NALCN: variants seen among roughly 807,000 people sequenced by gnomAD.
NALCN encodes sodium leak channel, non-selective.
A neutral mutation model predicts 225.3 loss-of-function variants in NALCN; 111 were observed. The ratio of observed to expected loss-of-function variants is 0.49; its 90% CI spans 0.42 to 0.58. The LOEUF is 0.58. NALCN is among the 20% of genes least tolerant of loss of function. The probability of loss-of-function intolerance (pLI) is 0.00; values close to 1 mark genes in which losing one functional copy is unlikely to be tolerated. For synonymous variants in NALCN, 764 were observed against 769.0 expected, an observed-to-expected ratio of 0.99 and a Z score of 0.11; for missense variants, 1,378 against 2,202.4, an observed-to-expected ratio of 0.63 and a Z score of 7.49.
At chr13:101,229,800 T>G (rs1023467431) in intron 12 of NALCN, among the ~76,000 whole-genome samples, 2 of 152,230 alleles carry the variant, frequency 1.3e-5, no homozygotes, top group African/African-American at 2.4e-5. Context: ...TAACATATTA[T>G]ATGATTATAC....
intron 7 of NALCN, among the ~76,000 whole-genome samples, chr13:101,300,060 G>A (rs907536793): frequency 2.6e-5 from 4 of 151,512 alleles, no homozygotes; most frequent in Non-Finnish European, 4.4e-5. Context: ...GTACTCTTAA[G>A]GTGGACATCT....
chr13:101,063,051 C>G (rs984073831), intron 40 of NALCN, among the ~76,000 whole-genome samples: 1 of 152,224 alleles, frequency 6.6e-6, no homozygotes, highest in African/African-American at 2.4e-5. Flanking sequence ...TCCCAGGATG[C>G]CTGGACTGAG....
At chr13:101,239,020 A>G (rs1171313204) in intron 11 of NALCN, among the ~76,000 whole-genome samples, 1 of 151,944 alleles carries the variant, frequency 6.6e-6, no homozygotes, top group African/African-American at 2.4e-5. Flanking sequence ...CCCTCCTTAA[A>G]AAACATAACA....
intron 7 of NALCN, among the ~76,000 whole-genome samples, chr13:101,301,001 T>C (rs1027419837): frequency 2.6e-5 from 4 of 152,272 alleles, no homozygotes; most frequent in Non-Finnish European, 5.9e-5. Context: ...TACACATGTT[T>C]ACATATATCT....
chr13:101,183,414 C>T (rs1049328663), intron 14 of NALCN, among the ~76,000 whole-genome samples: 1 of 152,128 alleles, frequency 6.6e-6, no homozygotes, highest in African/African-American at 2.4e-5. Context: ...ATTTGCTTTG[C>T]ATTATTTATT....
At chr13:101,160,776 T>A (rs2038143251) in intron 15 of NALCN, among the ~76,000 whole-genome samples, 1 of 152,194 alleles carries the variant, frequency 6.6e-6, no homozygotes, top group African/African-American at 2.4e-5. Flanking sequence ...GACAGGGACT[T>A]TCTATAAGAC....
intron 11 of NALCN, among the ~76,000 whole-genome samples, chr13:101,245,011 C>A (rs549616977): frequency 7.9e-6 from 1 of 126,008 alleles, no homozygotes; most frequent in African/African-American, 2.6e-5. Context: ...GGGCTCCCAC[C>A]AAAGTCACCT....
At chr13:101,358,674 A>G (rs2046134530) in intron 6 of NALCN, among the ~76,000 whole-genome samples, 1 of 152,250 alleles carries the variant, frequency 6.6e-6, no homozygotes, top group Non-Finnish European at 1.5e-5. Context: ...ATAAAATTTG[A>G]CACAGCAATC....
intron 12 of NALCN, among the ~76,000 whole-genome samples, chr13:101,234,642 A>G (rs1045396783): frequency 6.6e-5 from 10 of 152,238 alleles, no homozygotes; most frequent in African/African-American, 2.4e-4. Context: ...AAATTAACTG[A>G]GATCATTTTT....
chr13:101,075,841 C>T (rs753091420), intron 35 of NALCN, 32 bp downstream of exon 35: 26 of 1,567,634 alleles, frequency 1.7e-5, no homozygotes, highest in East Asian at 6.9e-5. Context: ...CATATATGAC[C>T]TTTAAGATAA....
At chr13:101,370,262 CA>C (rs145079905) in intron 6 of NALCN, among the ~76,000 whole-genome samples, 2,748 of 152,110 alleles carry the variant, frequency 0.018, 79 homozygotes, top group African/African-American at 0.062. Flanking sequence ...TGGACTACAC[CA>C]AATTCAACTC....
Position 101,415,461 on chromosome 13 carries a change from G to A in NALCN, c.-40+852C>T, listed in dbSNP as rs918454325. Among the ~76,000 whole-genome samples the A allele has an allele frequency of 2.6e-5, 4 of 152,046 alleles. No homozygotes were observed. The South Asian group carries it at 8.3e-4, about 31-fold the overall frequency. On this transcript the variant is annotated intron_variant, in intron 1 of 43. Coordinates refer to ENST00000251127, the MANE Select transcript of NALCN (RefSeq NM_052867.4). Reference sequence around the variant, plus strand: ...ATACAGTGTCTGAAAAATTGTACCTGAAACTGAAAGATTTATTCTAAGGTA... The same window carrying A: ...ATACAGTGTCTGAAAAATTGTACCTAAAACTGAAAGATTTATTCTAAGGTA...
chr13:101,214,903 T>C (rs1333009203), intron 13 of NALCN, among the ~76,000 whole-genome samples: 1 of 152,142 alleles, frequency 6.6e-6, no homozygotes, highest in Non-Finnish European at 1.5e-5. Context: ...ACTTGGGCAC[T>C]CACATATGGA....
At chr13:101,119,533 T>C (rs775111301) in intron 18 of NALCN, among the ~76,000 whole-genome samples, 4 of 152,200 alleles carry the variant, frequency 2.6e-5, no homozygotes, top group Non-Finnish European at 5.9e-5. Context: ...ATGTAAAATG[T>C]TTAATTGTTT....
At chr13:101,176,128 T>C (rs1377937336) in intron 15 of NALCN, among the ~76,000 whole-genome samples, 172 bp downstream of exon 15, 2 of 152,204 alleles carry the variant, frequency 1.3e-5, no homozygotes, top group African/African-American at 4.8e-5. Flanking sequence ...ATAGAAAGTT[T>C]CCCTTGTTAA....
intron 13 of NALCN, among the ~76,000 whole-genome samples, chr13:101,218,311 T>C (rs1268609669): frequency 2.0e-5 from 3 of 152,122 alleles, no homozygotes; most frequent in Non-Finnish European, 4.4e-5. Context: ...ACAAACCTGG[T>C]GGCTTAAAAC....
chr13:101,166,308 G>C (rs1383922124), intron 15 of NALCN, among the ~76,000 whole-genome samples: 1 of 151,938 alleles, frequency 6.6e-6, no homozygotes, highest in Non-Finnish European at 1.5e-5. Context: ...TTAATTTTTT[G>C]AGGAACTGCC....
intron 34 of NALCN, among the ~76,000 whole-genome samples, chr13:101,080,956 G>C (rs934331428): frequency 1.3e-5 from 2 of 152,012 alleles, no homozygotes; most frequent in African/African-American, 4.8e-5. Flanking sequence ...ACTGAATGGA[G>C]GGTGAAGGCA....
chr13:101,285,360 C>T (rs556171010), intron 9 of NALCN, among the ~76,000 whole-genome samples: 82 of 151,878 alleles, frequency 5.4e-4, no homozygotes, highest in African/African-American at 1.9e-3. Flanking sequence ...AGTGTAGGGG[C>T]GTGATCTCCA....
Sources: gnomAD v4.1 joint callset for allele counts (sites outside exome capture counted in the v4.1 genomes callset) on GRCh38, gnomAD v4.1.1 for gene constraint, MANE v1.5 for transcripts, NCBI Gene and HGNC (gene_info 2026-07-23, HGNC 2026-07-21) for gene names.